CTIF: variants seen among roughly 807,000 people sequenced by gnomAD.
CTIF encodes the protein cap binding complex dependent translation initiation factor.
In CTIF, 21 loss-of-function variants were observed where a neutral mutation model predicts 66.0. The ratio of observed to expected loss-of-function variants is 0.32; its 90% confidence interval spans 0.23 to 0.46. The LOEUF is 0.46. CTIF is among the 20% of genes least tolerant of loss of function. CTIF has a pLI of 1.00. For synonymous variants in CTIF, 345 were observed against 326.4 expected, an observed-to-expected ratio of 1.06 and a Z score of -0.62; for missense variants, 739 against 812.7, an observed-to-expected ratio of 0.91 and a Z score of 1.10.
intron 9 of CTIF, among the ~76,000 whole-genome samples, chr18:48,772,460 A>G (rs1910244407): frequency 9.7e-6 from 1 of 103,094 alleles, no homozygotes; most frequent in Admixed American, 1.0e-4. Flanking sequence ...AACAAAAGCC[A>G]TGTACCCACC....
intron 7 of CTIF, among the ~76,000 whole-genome samples, chr18:48,728,754 G>A (rs1187033923): frequency 6.6e-6 from 1 of 151,974 alleles, no homozygotes; most frequent in Admixed American, 6.6e-5. Context: ...GAGAGAGAGA[G>A]AGAGAGAGAA....
intron 6 of CTIF, among the ~76,000 whole-genome samples, chr18:48,710,062 C>G (rs1389478816): frequency 6.6e-6 from 1 of 152,266 alleles, no homozygotes; most frequent in East Asian, 1.9e-4. Context: ...ACTGGCCAGT[C>G]CCAGCATAGC....
chr18:48,707,018 C>T (rs899108704), intron 6 of CTIF, among the ~76,000 whole-genome samples: 1 of 152,124 alleles, frequency 6.6e-6, no homozygotes, highest in African/African-American at 2.4e-5. Flanking sequence ...GTGGGTAGTC[C>T]CAGTGTGCTA....
intron 9 of CTIF, among the ~76,000 whole-genome samples, chr18:48,765,238 G>T (rs1909409202): frequency 6.6e-6 from 1 of 152,154 alleles, no homozygotes; most frequent in Non-Finnish European, 1.5e-5. Flanking sequence ...GACCCGGCCT[G>T]CACAGCCCTG....
At chr18:48,583,790 G>C (rs545847727) in intron 1 of CTIF, among the ~76,000 whole-genome samples, 1 of 152,194 alleles carries the variant, frequency 6.6e-6, no homozygotes, top group Non-Finnish European at 1.5e-5. Context: ...ATGGACAGAA[G>C]GTATGTCATG....
intron 6 of CTIF, among the ~76,000 whole-genome samples, chr18:48,672,211 T>G (rs549221782): frequency 6.6e-6 from 1 of 151,514 alleles, no homozygotes; most frequent in South Asian, 2.1e-4. Context: ...GAGAGCACAA[T>G]GGGATGACTT....
chr18:48,785,476 G>A (rs1299331074), intron 9 of CTIF, among the ~76,000 whole-genome samples: 1 of 152,218 alleles, frequency 6.6e-6, no homozygotes, highest in African/African-American at 2.4e-5. Flanking sequence ...CTGCAGTCAG[G>A]CATCCTACAG....
intron 3 of CTIF, among the ~76,000 whole-genome samples, chr18:48,655,925 C>T (rs2091240340): frequency 6.6e-6 from 1 of 152,234 alleles, no homozygotes; most frequent in Non-Finnish European, 1.5e-5. Flanking sequence ...AATCACTGCA[C>T]AGTTGTGTAT....
chr18:48,618,280 C>T (rs1005514002), intron 1 of CTIF, among the ~76,000 whole-genome samples: 1 of 152,232 alleles, frequency 6.6e-6, no homozygotes, highest in Non-Finnish European at 1.5e-5. Context: ...GCTAGGACCT[C>T]GCCTTTATTA....
chr18:48,616,128 T>TA (rs2090395199), intron 1 of CTIF, among the ~76,000 whole-genome samples: 1 of 152,188 alleles, frequency 6.6e-6, no homozygotes, highest in Non-Finnish European at 1.5e-5. Flanking sequence ...TGGAAACGGC[T>TA]CCGTGTAGAG....
chr18:48,619,499 G>A, intron 1 of CTIF, 39 bp from the exon 2 acceptor site: 3 of 1,313,996 alleles, frequency 2.3e-6, no homozygotes, highest in Non-Finnish European at 3.0e-6. Flanking sequence ...GTCTCCTCCA[G>A]CAGCGTCTCA....
chr18:48,652,173 C>A (rs2091166906), intron 3 of CTIF, among the ~76,000 whole-genome samples: 1 of 152,056 alleles, frequency 6.6e-6, no homozygotes. Context: ...AAAAACCCTT[C>A]AAAAAATCAA....
Position 48,644,965 on chromosome 18 carries a change from T to G in CTIF, c.252+8280T>G, listed in dbSNP as rs73956999. ...TAAGATACATTATCTCACTGCAGCC[T>G]CAGTTTCTGCTCTATAAAATGAGGA... is the stretch of plus-strand genomic sequence containing the variant. On this transcript the variant is annotated intron_variant, in intron 3 of 11. Transcript: ENST00000256413. Among the ~76,000 whole-genome samples the G allele has an allele frequency of 3.6e-3, 548 of 152,328 alleles. 3 individuals are homozygous for G. Among genetic ancestry groups the G allele is most frequent in the African/African-American group, 0.013 (531 of 41,558 alleles).
chr18:48,582,465 C>A (rs2089680372), intron 1 of CTIF, among the ~76,000 whole-genome samples: 1 of 152,156 alleles, frequency 6.6e-6, no homozygotes, highest in South Asian at 2.1e-4. Flanking sequence ...GCCTCATGCA[C>A]ATGAGGGCGT....
At position 48,738,727 on chromosome 18, in the gene CTIF, G is replaced by T. The variant is rs557273198; in HGVS notation, c.585-19192G>T. Among the ~76,000 whole-genome samples the T allele has an allele frequency of 5.3e-5, 8 of 152,294 alleles. No homozygotes were observed. The South Asian group carries it at 1.7e-3, about 32-fold the overall frequency. On this transcript the variant is annotated intron_variant, in intron 7 of 11. Transcript: ENST00000256413. ...GTTCTTCCAGCTTCCCACTTCCGTA[G>T]GCCTTCCCACGCTCTGGCATTCTCC...
At chr18:48,574,809 A>C (rs1325798141) in intron 1 of CTIF, among the ~76,000 whole-genome samples, 2 of 152,220 alleles carry the variant, frequency 1.3e-5, no homozygotes, top group Admixed American at 1.3e-4. Flanking sequence ...CTCTTTCATT[A>C]GACACAGCCC....
rs117203888 is a variant in CTIF at position 48,647,206 on chromosome 18, C to T, written c.252+10521C>T. Among the ~76,000 whole-genome samples the T allele has an allele frequency of 2.7e-4, 41 of 152,272 alleles. No homozygotes were observed. The East Asian group carries it at 6.7e-3, about 25-fold the overall frequency. On this transcript the variant is annotated intron_variant, in intron 3 of 11. Coordinates refer to ENST00000256413, the MANE Select transcript of CTIF (RefSeq NM_014772.3). ...TTTCAAAAAGCCAGTCCTCCAAAGT[C>T]GCATACTCTGCAATTCCATTTATAT...
chr18:48,766,680 G>A (rs750980509), intron 9 of CTIF, among the ~76,000 whole-genome samples: 5 of 152,180 alleles, frequency 3.3e-5, no homozygotes, highest in East Asian at 3.9e-4. Flanking sequence ...CTGTCATGCC[G>A]CGAACCAGTC....
intron 5 of CTIF, among the ~76,000 whole-genome samples, chr18:48,667,276 A>G (rs1463265042): frequency 6.6e-6 from 1 of 152,212 alleles, no homozygotes; most frequent in East Asian, 1.9e-4. Flanking sequence ...TAGACACCAT[A>G]AAGACATATA....
Sources: gnomAD v4.1 joint callset for allele counts (sites outside exome capture counted in the v4.1 genomes callset) on GRCh38, gnomAD v4.1.1 for gene constraint, MANE v1.5 for transcripts, NCBI Gene and HGNC (gene_info 2026-07-23, HGNC 2026-07-21) for gene names.